Variants in FLT3 observed in about 807,000 individuals in gnomAD.
FLT3 encodes fms related receptor tyrosine kinase 3.
FLT3 carries 46 observed loss-of-function variants against 126.6 expected under a neutral mutation model. That is an observed-to-expected ratio of 0.36 (90% confidence interval 0.29 to 0.46). FLT3 has a LOEUF of 0.46. FLT3 is among the 20% of genes least tolerant of loss of function. FLT3 has a pLI of 1.00. For missense variants in FLT3, 1,069 were observed against 1,190.3 expected (o/e 0.90, Z 1.50); for synonymous variants, 404 against 434.4 (o/e 0.93, Z 0.87).
At position 28,073,940 on chromosome 13, in the gene FLT3, T is replaced by TAAA. The variant is rs747529463; in HGVS notation, c.44-3331_44-3329dup. Among the ~76,000 whole-genome samples, 7 of 132,510 alleles carry TAAA rather than the reference T, an allele frequency of 5.3e-5. 2 individuals are homozygous for TAAA. Among genetic ancestry groups the TAAA allele is most frequent in the East Asian group, 2.1e-4 (1 of 4,754 alleles). 86.9% of individuals were successfully genotyped at this position (132,510 alleles called of 152,430 possible). On this transcript the variant is annotated intron_variant, in intron 1 of 23. Transcript: ENST00000241453. ...GGGCAAAAGAGCCAGATCCTGCCTC[T>TAAA]AAAAAAAAAAAAAAAAGAAAAGAAA...
intron 5 of FLT3, among the ~76,000 whole-genome samples, chr13:28,051,787 C>G (rs1875502708): frequency 1.3e-5 from 2 of 151,750 alleles, no homozygotes; most frequent in African/African-American, 2.4e-5. Flanking sequence ...ACCTCGTGAT[C>G]CGCCGGTCTT....
chr13:28,050,021 C>A, intron 6 of FLT3, 74 bp downstream of exon 6: 1 of 1,494,918 alleles, frequency 6.7e-7, no homozygotes, highest in Non-Finnish European at 9.2e-7. Flanking sequence ...ATCACCTACG[C>A]AGTTACTGTT....
At chr13:28,010,408 A>G (rs1566053857) in intron 23 of FLT3, among the ~76,000 whole-genome samples, 1 of 152,220 alleles carries the variant, frequency 6.6e-6, no homozygotes, top group East Asian at 1.9e-4. Flanking sequence ...GAAAGTGTTA[A>G]TGAGAATTCA....
At position 28,004,082 on chromosome 13, in the gene FLT3, G is replaced by C. The variant is rs768372769; in HGVS notation, c.2952C>G (p.Leu984=). The stretch of plus-strand genomic sequence containing the variant: ...AATCTTCGACCTGAGCCTGCGGAGA[G>C]AGTAGCCCCAAATCCATCTCTCTGC... ...PFSREMDLGL[L]SPQAQVEDS is the part of the protein sequence containing the mutation. Residue 984 remains leucine, a synonymous_variant, in exon 24 of 24, where the codon CTC becomes CTG. Coordinates refer to ENST00000241453, the MANE Select transcript of FLT3 (RefSeq NM_004119.3). 1.2e-6 allele frequency: 2 copies of C among 1,614,012 alleles called. No individual in the cohort carries two copies. Among genetic ancestry groups the C allele is most frequent in the Non-Finnish European group, 1.7e-6 (2 of 1,180,042 alleles).
At chr13:28,031,095 G>A (rs1397539698) in intron 15 of FLT3, among the ~76,000 whole-genome samples, 4 of 152,014 alleles carry the variant, frequency 2.6e-5, no homozygotes, top group Non-Finnish European at 4.4e-5. Flanking sequence ...GGGCGTGGTG[G>A]TGGGTGCCTG....
rs181635550 is a variant in FLT3 at position 28,082,897 on chromosome 13, G to A, written c.44-12285C>T. 3.2e-3 allele frequency among the ~76,000 whole-genome samples: 488 copies of A among 151,890 alleles called. 2 individuals carry two copies. Among genetic ancestry groups the A allele is most frequent in the Non-Finnish European group, 5.5e-3 (375 of 67,956 alleles). On this transcript the variant is annotated intron_variant, in intron 1 of 23. Coordinates refer to ENST00000241453, the MANE Select transcript of FLT3 (RefSeq NM_004119.3). ...TTTTTTTTGTATTTTTAGTAGAGAC[G>A]GGGTTTCACTGTGTTAGCCAGGATG...
Position 28,066,010 on chromosome 13 carries a change from C to G in FLT3, c.166-3941G>C, listed in dbSNP as rs1005743942. Among the ~76,000 whole-genome samples the G allele has an allele frequency of 4.0e-5, 6 of 151,720 alleles. No homozygotes were observed. In the South Asian group the frequency reaches 1.2e-3, roughly 32 times the overall value. On this transcript the variant is annotated intron_variant, in intron 2 of 23. Coordinates refer to ENST00000241453, the MANE Select transcript of FLT3 (RefSeq NM_004119.3). ...ATAATAAATAAAATAAATAAATAAA[C>G]CAACTAGAATATGTGAAATGAGGGG... is the stretch of plus-strand genomic sequence containing the variant.
chr13:28,099,097 T>C (rs922769332), intron 1 of FLT3, among the ~76,000 whole-genome samples: 5 of 149,330 alleles, frequency 3.3e-5, no homozygotes, highest in Non-Finnish European at 7.5e-5. Flanking sequence ...TTATACTTCA[T>C]TTAGAAATAT....
At chr13:28,060,377 G>T (rs138600416) in intron 3 of FLT3, among the ~76,000 whole-genome samples, 17 of 144,340 alleles carry the variant, frequency 1.2e-4, no homozygotes, top group South Asian at 4.4e-4. Context: ...AGGTGAGATC[G>T]TGCCACTGCA....
At chr13:28,033,386 T>C (rs1410541622) in intron 15 of FLT3, among the ~76,000 whole-genome samples, 2 of 152,182 alleles carry the variant, frequency 1.3e-5, no homozygotes, top group Non-Finnish European at 2.9e-5. Context: ...TAAATAGGCC[T>C]GGCACAGTGG....
intron 1 of FLT3, among the ~76,000 whole-genome samples, chr13:28,089,449 A>G (rs753632427): frequency 2.6e-5 from 4 of 152,146 alleles, no homozygotes; most frequent in African/African-American, 9.7e-5. Flanking sequence ...CAAAAACTGG[A>G]AGCAAACAAA....
intron 1 of FLT3, among the ~76,000 whole-genome samples, chr13:28,091,658 G>C (rs1032047319): frequency 6.6e-6 from 1 of 152,014 alleles, no homozygotes; most frequent in Admixed American, 6.6e-5. Flanking sequence ...GGTGAGGCTG[G>C]GTGCAGTGGC....
chr13:28,049,552 A>G lies in FLT3; in HGVS notation c.883-15T>C, dbSNP rs1436294760. 2.5e-6 allele frequency: 4 copies of G among 1,612,808 alleles called. No individual in the cohort carries two copies. In the Admixed American group the frequency reaches 6.7e-5, roughly 27 times the overall value. On this transcript the variant is annotated splice_polypyrimidine_tract_variant and intron_variant, in intron 7 of 23. Transcript: ENST00000241453. Reference sequence around the variant, plus strand: ...AAGTAGTTGCCCTAGGTTTTAATAAAACAGAGTTTGCATTTAATGTTTTCA... The same window carrying G: ...AAGTAGTTGCCCTAGGTTTTAATAAGACAGAGTTTGCATTTAATGTTTTCA...
chr13:28,097,818 G>T (rs1248719191), intron 1 of FLT3, among the ~76,000 whole-genome samples: 1 of 152,104 alleles, frequency 6.6e-6, no homozygotes, highest in Non-Finnish European at 1.5e-5. Flanking sequence ...GCAAAGAATG[G>T]CAACTCAAAT....
chr13:28,027,916 A>ATGT (rs1047691699), intron 16 of FLT3, among the ~76,000 whole-genome samples: 7 of 152,128 alleles, frequency 4.6e-5, no homozygotes, highest in Non-Finnish European at 7.3e-5. Context: ...TGTACTTGCA[A>ATGT]TGTTGTTGTT....
Position 28,070,514 on chromosome 13 carries a change from C to T in FLT3, c.142G>A (p.Gly48Arg), listed in dbSNP as rs780849820. 3 of 1,609,736 alleles carry T rather than the reference C, an allele frequency of 1.9e-6. No individual in the cohort carries two copies. Among genetic ancestry groups the T allele is most frequent in the Non-Finnish European group, 2.5e-6 (3 of 1,176,756 alleles). ...INHKNNDSSV[G>R]KSSSYPMVSE... ...ACCATGGGATATGATGATGACTTCC[C>T]CACTGATGAATCATTGTTCTTATGA... The change falls in exon 2 of 24, where the codon GGG becomes AGG. Residue 48 changes from glycine to arginine, a missense_variant. Transcript: ENST00000241453.
At chr13:28,019,625 C>T (rs1872200987) in intron 19 of FLT3, among the ~76,000 whole-genome samples, 1 of 152,174 alleles carries the variant, frequency 6.6e-6, no homozygotes, top group Non-Finnish European at 1.5e-5. Flanking sequence ...CTGCACTTTG[C>T]CCACTTTACC....
chr13:28,028,293 C>T lies in FLT3; in HGVS notation c.1943-5G>A. ...TTTCAGAGCTGTCTGCTTTTTCTGT[C>T]AAAGAAAGGAGCATTAAAAATGTAA... On this transcript the variant is annotated splice_polypyrimidine_tract_variant and splice_region_variant and intron_variant, in intron 15 of 23. Transcript: ENST00000241453. The T allele has an allele frequency of 6.9e-7, 1 of 1,448,044 alleles. No individual in the cohort carries two copies. The highest frequency in any genetic ancestry group is 9.7e-7 in the Non-Finnish European group (1 of 1,029,932). The allele number at this position is 1,448,044 out of a possible 1,614,324, so 89.7% of individuals were successfully genotyped here.
chr13:28,018,607 A>G lies in FLT3; in HGVS notation c.2419-18T>C. On this transcript the variant is annotated intron_variant, in intron 19 of 23. Coordinates refer to ENST00000241453, the MANE Select transcript of FLT3 (RefSeq NM_004119.3). ...TGAACACACTGTCAAGAATGACACC[A>G]GAGTGTTATTTACTGTGATGTGTAT... 6.2e-7 allele frequency: 1 copy of G among 1,613,500 alleles called. No individual in the cohort carries two copies. The highest frequency in any genetic ancestry group is 8.5e-7 in the Non-Finnish European group (1 of 1,179,508).
Sources: allele counts gnomAD v4.1 joint callset (sites outside exome capture counted in the v4.1 genomes callset), GRCh38; gene constraint gnomAD v4.1.1; transcripts MANE v1.5; gene names NCBI Gene and HGNC (gene_info 2026-07-23, HGNC 2026-07-21).